Variants in RBM20 observed in about 807,000 individuals in gnomAD.
RBM20 encodes RNA-binding protein 20.
RBM20 carries 51 observed loss-of-function variants against 110.1 expected under a neutral mutation model. That is an observed-to-expected ratio of 0.46 (90% confidence interval 0.37 to 0.59). The LOEUF (loss-of-function observed/expected upper bound fraction) is 0.59, where lower values mean the gene tolerates loss of function less well. Ranked by LOEUF, RBM20 falls within the 20% of genes least tolerant of loss-of-function variation. The pLI, the probability that RBM20 is intolerant of heterozygous loss-of-function variation, is 0.00. For missense variants in RBM20, 1,512 were observed against 1,574.9 expected (o/e 0.96, Z 0.68); for synonymous variants, 589 against 618.2 (o/e 0.95, Z 0.70).
intron 1 of RBM20, among the ~76,000 whole-genome samples, chr10:110,757,580 T>C (rs1240594471): frequency 1.3e-5 from 2 of 152,188 alleles, no homozygotes; most frequent in Non-Finnish European, 2.9e-5. Flanking sequence ...TGTAGGTGCA[T>C]GTGGACAAAA....
chr10:110,767,631 C>T (rs1276696153), intron 1 of RBM20, among the ~76,000 whole-genome samples: 3 of 151,518 alleles, frequency 2.0e-5, no homozygotes, highest in East Asian at 2.0e-4. Flanking sequence ...CGGGCAGAGA[C>T]GCTCCTCACC....
chr10:110,656,740 T>G (rs1053929961), intron 1 of RBM20, among the ~76,000 whole-genome samples: 65 of 152,382 alleles, frequency 4.3e-4, no homozygotes, highest in African/African-American at 1.5e-3. Flanking sequence ...TTTTTGTGTC[T>G]GGCTTCTTTC....
chr10:110,807,898 G>A (rs1844715291), intron 7 of RBM20, among the ~76,000 whole-genome samples: 1 of 152,244 alleles, frequency 6.6e-6, no homozygotes, highest in Non-Finnish European at 1.5e-5. Flanking sequence ...TAGCTTGGCA[G>A]TGCAAGCCAC....
At chr10:110,655,952 A>G (rs1862020839) in intron 1 of RBM20, among the ~76,000 whole-genome samples, 1 of 151,694 alleles carries the variant, frequency 6.6e-6, no homozygotes, top group Admixed American at 6.6e-5. Context: ...GGTAAGCTGC[A>G]CATGTTTAAA....
At chr10:110,653,531 ATT>A (rs55847568) in intron 1 of RBM20, among the ~76,000 whole-genome samples, 1,495 of 144,110 alleles carry the variant, frequency 0.01, 23 homozygotes, top group African/African-American at 0.031. Context: ...CATATAGCTG[ATT>A]TTTTTTTTTT....
intron 1 of RBM20, among the ~76,000 whole-genome samples, chr10:110,708,911 C>T (rs960588424): frequency 3.9e-5 from 6 of 152,180 alleles, no homozygotes; most frequent in African/African-American, 1.2e-4. Context: ...GTGGCAGAAA[C>T]GTCCAGTGGG....
intron 12 of RBM20, among the ~76,000 whole-genome samples, chr10:110,825,115 G>C (rs1844967414): frequency 6.6e-6 from 1 of 151,840 alleles, no homozygotes; most frequent in Non-Finnish European, 1.5e-5. Context: ...GAAGGAAAAA[G>C]AAATACTAAC....
At chr10:110,729,793 G>C (rs574247081) in intron 1 of RBM20, among the ~76,000 whole-genome samples, 1 of 152,286 alleles carries the variant, frequency 6.6e-6, no homozygotes, top group Admixed American at 6.5e-5. Flanking sequence ...CCCTCTGTCA[G>C]GAACATTAAT....
chr10:110,768,783 C>T (rs1480211371), intron 1 of RBM20, among the ~76,000 whole-genome samples: 2 of 152,240 alleles, frequency 1.3e-5, no homozygotes, highest in Non-Finnish European at 1.5e-5. Flanking sequence ...CAAACCTCAC[C>T]TGGCATTCTG....
intron 1 of RBM20, among the ~76,000 whole-genome samples, chr10:110,752,029 C>A (rs1471719584): frequency 6.6e-6 from 1 of 152,112 alleles, no homozygotes; most frequent in East Asian, 1.9e-4. Flanking sequence ...CAATTGATGA[C>A]CCTACATTGA....
intron 8 of RBM20, among the ~76,000 whole-genome samples, chr10:110,811,634 T>C (rs1844768536): frequency 2.6e-5 from 4 of 152,184 alleles, no homozygotes; most frequent in Non-Finnish European, 1.5e-5. Context: ...GACGTGTAGA[T>C]CAGGATTCTA....
chr10:110,816,986 C>T (rs1312472145), intron 9 of RBM20, among the ~76,000 whole-genome samples: 1 of 152,150 alleles, frequency 6.6e-6, no homozygotes, highest in Non-Finnish European at 1.5e-5. Context: ...TGGGTGGCCA[C>T]GTCCATACCT....
chr10:110,684,319 G>A (rs560155955), intron 1 of RBM20, among the ~76,000 whole-genome samples: 9 of 152,156 alleles, frequency 5.9e-5, no homozygotes, highest in Admixed American at 1.3e-4. Flanking sequence ...GTTTGAACCC[G>A]GGAGGCAGAG....
chr10:110,686,318 C>A (rs1339406562), intron 1 of RBM20, among the ~76,000 whole-genome samples: 13 of 151,808 alleles, frequency 8.6e-5, no homozygotes, highest in Admixed American at 8.5e-4. Context: ...TTCCGCTTGG[C>A]CCCCCTATAG....
intron 7 of RBM20, among the ~76,000 whole-genome samples, chr10:110,805,986 C>CT (rs1387677542): frequency 6.6e-6 from 1 of 152,150 alleles, no homozygotes; most frequent in African/African-American, 2.4e-5. Flanking sequence ...AAAGAACTGC[C>CT]TGAGGCCAGG....
intron 5 of RBM20, among the ~76,000 whole-genome samples, chr10:110,793,386 C>A (rs1430354517): frequency 6.6e-6 from 1 of 152,140 alleles, no homozygotes; most frequent in Non-Finnish European, 1.5e-5. Context: ...AACTGGTGAC[C>A]CATTTTTATT....
intron 1 of RBM20, among the ~76,000 whole-genome samples, chr10:110,753,148 A>G (rs1843880411): frequency 6.6e-6 from 1 of 151,726 alleles, no homozygotes; most frequent in African/African-American, 2.4e-5. Flanking sequence ...CATGTTGGTC[A>G]GGCTGGTCTC....
intron 8 of RBM20, among the ~76,000 whole-genome samples, chr10:110,811,842 G>A (rs964696809): frequency 2.0e-5 from 3 of 152,126 alleles, no homozygotes; most frequent in Non-Finnish European, 2.9e-5. Flanking sequence ...CTAAGAGGCC[G>A]GCTAATGGCA....
chr10:110,699,926 T>C (rs4918565), intron 1 of RBM20, among the ~76,000 whole-genome samples: 46,133 of 152,010 alleles, frequency 0.3, 7,330 homozygotes, highest in East Asian at 0.52. Context: ...CTAAATGACT[T>C]GCGGGTGGGA....
Sources: gnomAD v4.1 joint callset for allele counts (sites outside exome capture counted in the v4.1 genomes callset) on GRCh38, gnomAD v4.1.1 for gene constraint, MANE v1.5 for transcripts, NCBI Gene and HGNC (gene_info 2026-07-23, HGNC 2026-07-21) for gene names.